The following OXA1L variants were observed in gnomAD, a reference collection of about 807,000 sequenced individuals.
The protein encoded by OXA1L is mitochondrial inner membrane protein OXA1L.
A neutral mutation model predicts 52.2 loss-of-function variants in OXA1L; 42 were observed. That is an observed-to-expected ratio of 0.80 (90% CI 0.63 to 1.04). The LOEUF (loss-of-function observed/expected upper bound fraction) is 1.04. OXA1L is among the 50% of genes least tolerant of loss of function. The probability of loss-of-function intolerance (pLI) is 0.00; values close to 1 mark genes in which losing one functional copy is unlikely to be tolerated. For synonymous variants in OXA1L, 239 were observed against 201.9 expected, an observed-to-expected ratio of 1.18 and a Z score of -1.56; for missense variants, 572 against 555.0, an observed-to-expected ratio of 1.03 and a Z score of -0.31.
At chr14:22,767,215 T>G in intron 1 of OXA1L, 33 bp from the exon 2 acceptor site, 1 of 1,586,190 alleles carries the variant, frequency 6.3e-7, no homozygotes, top group East Asian at 2.2e-5. Flanking sequence ...CTGCTCCCGG[T>G]AAAGGGGCTC....
chr14:22,767,572 C>A, intron 2 of OXA1L, 163 bp downstream of exon 2: 1 of 599,766 alleles, frequency 1.7e-6, no homozygotes, highest in Non-Finnish European at 2.8e-6. Flanking sequence ...ATTTTCAATT[C>A]AGTGGGGAAA....
At chr14:22,770,154 A>G (rs770622669) in intron 4 of OXA1L, 39 bp from the exon 5 acceptor site, 5 of 1,472,900 alleles carry the variant, frequency 3.4e-6, no homozygotes, top group Non-Finnish European at 4.8e-6. Context: ...CCACTGATGT[A>G]ACTGTTACCC....
At position 22,770,905 on chromosome 14, in the gene OXA1L, C is replaced by G. The variant is rs747028923; in HGVS notation, c.935C>G (p.Pro312Arg). The G allele has an allele frequency of 1.3e-5, 21 of 1,613,728 alleles. No homozygotes were observed. Among genetic ancestry groups the G allele is most frequent in the East Asian group, 2.2e-5 (1 of 44,888 alleles). ...ACCTTGCCCATAACCATGCATTTCC[C>G]CACGGTATGTAATGCCTTATGGGCT... The part of the protein sequence containing the change: ...LITLPITMHF[P>R]TAVFMYWLSS... Residue 312 changes from proline to arginine, a missense_variant, in exon 7 of 10, where the codon CCC (proline) becomes CGC (arginine). Physicochemically the swap from Pro to Arg is moderately radical, Grantham distance 103. This residue lies in a region of OXA1L where 244 missense variants were observed against 240.2 expected (regional missense o/e 1.02). Transcript: ENST00000612549.
chr14:22,767,403 A>G lies in OXA1L; in HGVS notation c.219A>G (p.Glu73=). The change falls in exon 2 of 10, where the codon GAA becomes GAG. Residue 73 remains glutamate (E), a synonymous_variant. Coordinates refer to ENST00000612549, the MANE Select transcript of OXA1L (RefSeq NM_005015.5). ...GTACCTCTGCTATCTCTTTTGCAGA[A>G]GTCCAGGTAAGAGGCCTTTCGTTCC... ...SLSTSAISFA[E]VQVQAPPVVA... is the part of the protein sequence containing the mutation. 9 of 1,601,494 alleles carry G rather than the reference A, an allele frequency of 5.6e-6. No homozygotes were observed. The highest frequency in any genetic ancestry group is 7.7e-6 in the Non-Finnish European group (9 of 1,175,638).
intron 3 of OXA1L, among the ~76,000 whole-genome samples, chr14:22,769,301 G>T (rs999673893): frequency 6.6e-6 from 1 of 152,056 alleles, no homozygotes; most frequent in Non-Finnish European, 1.5e-5. Context: ...AGAACATGGC[G>T]ATGTTCGTCT....
intron 1 of OXA1L, 104 bp from the exon 2 acceptor site, chr14:22,767,144 G>A: frequency 1.3e-6 from 2 of 1,533,116 alleles, no homozygotes; most frequent in Non-Finnish European, 1.8e-6. Flanking sequence ...TGTAGTGGCC[G>A]AGCTGCCTGC....
Position 22,771,151 on chromosome 14 carries a change from G to A in OXA1L, c.1073G>A (p.Arg358Gln), listed in dbSNP as rs747777190. ...VVHDLDKLPP[R>Q]EGFLESFKKG... ...CATGACCTGGACAAATTACCTCCAC[G>A]GGAAGGCTTCCTAGAGAGCTTCAAA... The change falls in exon 8 of 10, where the codon CGG becomes CAG. Residue 358 changes from arginine to glutamine, a missense_variant. This residue lies in a region of OXA1L where 244 missense variants were observed against 240.2 expected (regional missense o/e 1.02). Transcript: ENST00000612549. 2.0e-4 allele frequency: 316 copies of A among 1,613,976 alleles called. No homozygotes were observed. Among genetic ancestry groups the A allele is most frequent in the Non-Finnish European group, 2.6e-4 (302 of 1,179,998 alleles).
chr14:22,767,123 A>C (rs916017999), intron 1 of OXA1L, 125 bp from the exon 2 acceptor site: 2 of 1,537,022 alleles, frequency 1.3e-6, no homozygotes, highest in East Asian at 4.8e-5. Flanking sequence ...GGTGATAGCA[A>C]TGTCCTCCCC....
chr14:22,771,583 A>G lies in OXA1L; in HGVS notation c.*25A>G. 6.2e-7 allele frequency: 1 copy of G among 1,613,634 alleles called. No homozygotes were observed. The highest frequency in any genetic ancestry group is 1.1e-5 in the South Asian group (1 of 91,070). On this transcript the variant is annotated 3_prime_UTR_variant, in exon 10 of 10. Transcript: ENST00000612549. Reference sequence around the variant, plus strand: ...ACTTATGTTCTGTGCGCATTCTGGCAGGAATTCTGTCTCTTCAGAGACTCA... The same window carrying G: ...ACTTATGTTCTGTGCGCATTCTGGCGGGAATTCTGTCTCTTCAGAGACTCA...
chr14:22,770,875 T>C lies in OXA1L; in HGVS notation c.905T>C (p.Leu302Pro). The C allele has an allele frequency of 6.2e-7, 1 of 1,614,190 alleles. No homozygotes were observed. The highest frequency in any genetic ancestry group is 8.5e-7 in the Non-Finnish European group (1 of 1,179,994). ...WMRNVIRMMPLITLPITMHFP... is the reference protein window; with the variant it reads ...WMRNVIRMMPPITLPITMHFP... ...AGAAATGTCATCAGAATGATGCCCC[T>C]GATAACCTTGCCCATAACCATGCAT... is the stretch of plus-strand genomic sequence containing the variant. The change falls in exon 7 of 10, where the codon CTG becomes CCG. Residue 302 changes from leucine to proline, a missense_variant. Physicochemically the swap from Leu to Pro is moderately conservative, Grantham distance 98 (BLOSUM62 -3). Coordinates refer to ENST00000612549, the MANE Select transcript of OXA1L (RefSeq NM_005015.5).
At chr14:22,766,891 C>T in intron 1 of OXA1L, 127 bp downstream of exon 1, 2 of 1,541,656 alleles carry the variant, frequency 1.3e-6, no homozygotes, top group Non-Finnish European at 8.7e-7. Context: ...GTCATGACCT[C>T]GGGTCATGTG....
chr14:22,771,135 G>A lies in OXA1L; in HGVS notation c.1057G>A (p.Asp353Asn). Residue 353 changes from aspartate (D) to asparagine (N), a missense_variant, in exon 8 of 10, where the codon GAC becomes AAC. Coordinates refer to ENST00000612549, the MANE Select transcript of OXA1L (RefSeq NM_005015.5). ...CCCCCAGCGTGTTGTACATGACCTG[G>A]ACAAATTACCTCCACGGGAAGGCTT... ...KIPQRVVHDL[D>N]KLPPREGFLE... 4 of 1,614,100 alleles carry A rather than the reference G, an allele frequency of 2.5e-6. No homozygotes were observed. The highest frequency in any genetic ancestry group is 3.4e-6 in the Non-Finnish European group (4 of 1,180,002).
chr14:22,771,351 A>G lies in OXA1L; in HGVS notation c.1183+3A>G, dbSNP rs112126716. 17 of 1,613,958 alleles carry G rather than the reference A, an allele frequency of 1.1e-5. No homozygotes were observed. In the African/African-American group the frequency reaches 2.0e-4, roughly 19 times the overall value. ...TCAGTTGGAGCTAGCAGCCAGGGGT[A>G]AATAGTCCTTTCAGGCCAAATTCTG... On this transcript the variant is annotated splice_donor_region_variant and intron_variant, in intron 9 of 9. Transcript: ENST00000612549.
Position 22,766,810 on chromosome 14 carries a change from G to A in OXA1L, c.63+46G>A, listed in dbSNP as rs749231911. 3.1e-6 allele frequency: 5 copies of A among 1,610,940 alleles called. No homozygotes were observed. The African/African-American group carries it at 5.3e-5, about 17-fold the overall frequency. The stretch of plus-strand genomic sequence containing the variant: ...AGCACCGGGATGCTGCCCTGACCCA[G>A]TGAACCAGGCCCCAGGACAGCTCGT... On this transcript the variant is annotated intron_variant, in intron 1 of 9. Coordinates refer to ENST00000612549, the MANE Select transcript of OXA1L (RefSeq NM_005015.5).
chr14:22,772,520 CAGTT>C lies in OXA1L; in HGVS notation c.*963_*966del, dbSNP rs1476647229. ...AAAAAAAAAAAAAAAAAAAAAAAAA[CAGTT>C]TAAACTTCCAACCCATGCATGTGTT... On this transcript the variant is annotated 3_prime_UTR_variant, in exon 10 of 10. Transcript: ENST00000612549. 1.8e-5 allele frequency: 2 copies of C among 111,618 alleles called. No individual in the cohort carries two copies. Among genetic ancestry groups the C allele is most frequent in the Non-Finnish European group, 3.5e-5 (2 of 56,684 alleles). 6.9% of individuals were successfully genotyped at this position (111,618 alleles called of 1,614,324 possible).
Position 22,770,608 on chromosome 14 carries a change from A to T in OXA1L, c.817A>T (p.Met273Leu). Reference sequence around the variant, plus strand: ...ATTACCACTGGCAGTCACTGCTACAATGTGGGCTGTTCTTGAGGTAAGCCC... The same window carrying T: ...ATTACCACTGGCAGTCACTGCTACATTGTGGGCTGTTCTTGAGGTAAGCCC... ...YILPLAVTAT[M>L]WAVLELGAET... is the part of the protein sequence containing the mutation. The change falls in exon 6 of 10, where the codon ATG (methionine) becomes TTG (leucine). Residue 273 changes from methionine (M) to leucine (L), a missense_variant. This residue lies in a region of OXA1L where 244 missense variants were observed against 240.2 expected (regional missense o/e 1.02). Coordinates refer to ENST00000612549, the MANE Select transcript of OXA1L (RefSeq NM_005015.5). The T allele has an allele frequency of 6.2e-7, 1 of 1,612,404 alleles. No homozygotes were observed. Among genetic ancestry groups the T allele is most frequent in the Non-Finnish European group, 8.5e-7 (1 of 1,178,620 alleles).
Position 22,770,632 on chromosome 14 carries a change from C to T in OXA1L, c.834+7C>T, listed in dbSNP as rs762974071. 2 of 1,607,412 alleles carry T rather than the reference C, an allele frequency of 1.2e-6. No individual in the cohort carries two copies. Among genetic ancestry groups the T allele is most frequent in the East Asian group, 2.2e-5 (1 of 44,688 alleles). On this transcript the variant is annotated splice_region_variant and intron_variant, in intron 6 of 9. Coordinates refer to ENST00000612549, the MANE Select transcript of OXA1L (RefSeq NM_005015.5). ...AATGTGGGCTGTTCTTGAGGTAAGC[C>T]CAGATTGGCCAAGTGCCAGGCCTGC...
Position 22,771,019 on chromosome 14 carries a change from C to T in OXA1L, c.941C>T (p.Ala314Val), listed in dbSNP as rs2038454201. 1.2e-6 allele frequency: 2 copies of T among 1,614,056 alleles called. No homozygotes were observed. Among genetic ancestry groups the T allele is most frequent in the African/African-American group, 2.7e-5 (2 of 74,932 alleles). ...TLPITMHFPT[A>V]VFMYWLSSNL... ...TCCCTTCTCTGTGTTCTCACCCAGGCAGTGTTTATGTACTGGCTCTCCTCC... is the reference window on the plus strand; with the variant it reads ...TCCCTTCTCTGTGTTCTCACCCAGGTAGTGTTTATGTACTGGCTCTCCTCC... Residue 314 changes from alanine (A) to valine (V), a missense_variant and splice_region_variant, in exon 8 of 10, where the codon GCA (alanine) becomes GTA (valine). By Grantham distance (64) the Ala-to-Val change is moderately conservative. Coordinates refer to ENST00000612549, the MANE Select transcript of OXA1L (RefSeq NM_005015.5).
At position 22,772,631 on chromosome 14, in the gene OXA1L, A is replaced by G. The variant is rs1378256073; in HGVS notation, c.*1073A>G. ...GATTGTATCTAAATATAGTAACCGCACTTCTTGATCCCAAGATTACTTTAA... is the reference window on the plus strand; with the variant it reads ...GATTGTATCTAAATATAGTAACCGCGCTTCTTGATCCCAAGATTACTTTAA... On this transcript the variant is annotated 3_prime_UTR_variant, in exon 10 of 10. Transcript: ENST00000612549. The G allele has an allele frequency of 1.3e-5, 2 of 152,088 alleles. No homozygotes were observed. The highest frequency in any genetic ancestry group is 1.3e-4 in the Admixed American group (2 of 15,262). The allele number at this position is 152,088 out of a possible 1,614,324, so 9.4% of individuals were successfully genotyped here. A position where few individuals can be genotyped will look rare whatever the true frequency, so the allele number is the denominator to read the frequency against.
Sources: allele counts gnomAD v4.1 joint callset (sites outside exome capture counted in the v4.1 genomes callset), GRCh38; gene constraint gnomAD v4.1.1; regional missense constraint gnomAD v4.1.1; transcripts MANE v1.5; gene names NCBI Gene and HGNC (gene_info 2026-07-23, HGNC 2026-07-21).